The following CELSR3 variants were observed in gnomAD, a reference collection of about 807,000 sequenced individuals.
The protein encoded by CELSR3 is cadherin EGF LAG seven-pass G-type receptor 3, also known as EGF-like protein 1.
In CELSR3, 73 loss-of-function variants were observed where a neutral mutation model predicts 270.0. The ratio of observed to expected loss-of-function variants is 0.27; its 90% CI spans 0.22 to 0.33. CELSR3 has a LOEUF of 0.33. CELSR3 is among the 10% of genes least tolerant of loss of function. The probability of loss-of-function intolerance (pLI) is 1.00; values close to 1 mark genes in which losing one functional copy is unlikely to be tolerated. For synonymous variants in CELSR3, 1,780 were observed against 1,905.4 expected, an observed-to-expected ratio of 0.93 and a Z score of 1.71; for missense variants, 3,614 against 4,533.8, an observed-to-expected ratio of 0.80 and a Z score of 5.83.
At position 48,639,569 on chromosome 3, in the gene CELSR3, T is replaced by TCATCCCCTTCTGTGGCA; in HGVS notation, c.9911+104_9911+105insTGCCACAGAAGGGGATG. The TCATCCCCTTCTGTGGCA allele has an allele frequency of 6.8e-7, 1 of 1,479,064 alleles. No homozygotes were observed. Among genetic ancestry groups the TCATCCCCTTCTGTGGCA allele is most frequent in the South Asian group, 1.3e-5 (1 of 78,320 alleles). 91.6% of individuals were successfully genotyped at this position (1,479,064 alleles called of 1,614,324 possible). A position where few individuals can be genotyped will look rare whatever the true frequency, so the allele number is the denominator to read the frequency against. On this transcript the variant is annotated intron_variant, in intron 34 of 34. Coordinates refer to ENST00000164024, the MANE Select transcript of CELSR3 (RefSeq NM_001407.3). This position sits in a 1 kb window ranked among gnomAD's most constrained non-coding sequence, Gnocchi z 4.1. ...TGCTGAGCCTGGGGTAGCCCACACC[T>TCATCCCCTTCTGTGGCA]GTCTGCCAGCCCTCATCCCCTTCTG...
intron 18 of CELSR3, 30 bp downstream of exon 18, chr3:48,648,689 A>C (rs1559478546): frequency 6.3e-7 from 1 of 1,597,808 alleles, no homozygotes; most frequent in Non-Finnish European, 8.5e-7. Context: ...TGGGGGGCCA[A>C]GGCACTGAGA....
chr3:48,645,319 G>C lies in CELSR3; in HGVS notation c.7798-110C>G, dbSNP rs937465190. On this transcript the variant is annotated intron_variant, in intron 24 of 34. Transcript: ENST00000164024. This position sits in a 1 kb window ranked among gnomAD's most constrained non-coding sequence, Gnocchi z 5.4. ...CCCTAAACCACAATATCTTACCCCA[G>C]CATCCTGCTGAAAACCCTGGCCCCA... The C allele has an allele frequency of 1.3e-6, 2 of 1,541,860 alleles. No individual in the cohort carries two copies. The highest frequency in any genetic ancestry group is 1.7e-4 in the Middle Eastern group (1 of 5,886).
At position 48,639,709 on chromosome 3, in the gene CELSR3, C is replaced by T. The variant is rs114411876; in HGVS notation, c.9876G>A (p.Thr3292=). The part of the protein sequence containing the change: ...VLGPSTPRSA[T]SHSISELSPD... The stretch of plus-strand genomic sequence containing the variant: ...GCGACAGCTCCGAGATGCTGTGAGA[C>T]GTGGCAGAACGTGGCGTGGAGGGCC... The change falls in exon 34 of 35, where the codon ACG becomes ACA. Residue 3292 remains threonine (T), a synonymous_variant. Transcript: ENST00000164024. This position sits in a 1 kb window ranked among gnomAD's most constrained non-coding sequence, Gnocchi z 4.1. 94 of 1,613,552 alleles carry T rather than the reference C, an allele frequency of 5.8e-5. No individual in the cohort carries two copies. The African/African-American group carries it at 8.1e-4, about 14-fold the overall frequency.
rs2046988574 is a variant in CELSR3, at chr3:48,638,068, C to T, written c.*137G>A. The T allele has an allele frequency of 1.4e-6, 1 of 710,990 alleles. No individual in the cohort carries two copies. The allele number at this position is 710,990 out of a possible 1,614,324, so 44.0% of individuals were successfully genotyped here. A position where few individuals can be genotyped will look rare whatever the true frequency, so the allele number is the denominator to read the frequency against. On this transcript the variant is annotated 3_prime_UTR_variant, in exon 35 of 35. Transcript: ENST00000164024. ...GATGCACATGGAGCCTCAGCCCTGC[C>T]ACACCAGGTAGAGCTGGGGCACCCA... is the stretch of plus-strand genomic sequence containing the variant.
rs375510011 is a variant in CELSR3 at position 48,651,056 on chromosome 3, C to T, written c.6206G>A (p.Arg2069Gln). ...CHCKEFHYRP[R>Q]GSDSCLPCDC... The stretch of plus-strand genomic sequence containing the variant: ...ACATGGGAGGCAAGAGTCACTGCCC[C>T]GCGGTCGGTAGTGGAACTCCTGTTT... The change falls in exon 15 of 35, where the codon CGG (arginine) becomes CAG (glutamine). Residue 2069 changes from arginine to glutamine, a missense_variant. Coordinates refer to ENST00000164024, the MANE Select transcript of CELSR3 (RefSeq NM_001407.3). The surrounding 1 kb of genome is among the most constrained non-coding windows in gnomAD (Gnocchi z 7.4). The T allele has an allele frequency of 2.5e-5, 40 of 1,572,722 alleles. No individual in the cohort carries two copies. The highest frequency in any genetic ancestry group is 3.5e-5 in the South Asian group (3 of 84,660).
rs754682065 is a variant in CELSR3, at chr3:48,660,298, G to A, written c.2337C>T (p.Thr779=). Residue 779 remains threonine (T), a synonymous_variant, in exon 1 of 35, where the codon ACC becomes ACT. Coordinates refer to ENST00000164024, the MANE Select transcript of CELSR3 (RefSeq NM_001407.3). The surrounding 1 kb of genome is among the most constrained non-coding windows in gnomAD (Gnocchi z 5.5). ...AAVGTSVVSV[T]AVDRDANSAI... Reference sequence around the variant, plus strand: ...CACTGTTGGCATCACGGTCTACTGCGGTCACGCTGACCACACTGGTGCCCA... The same window carrying A: ...CACTGTTGGCATCACGGTCTACTGCAGTCACGCTGACCACACTGGTGCCCA... 3.2e-5 allele frequency: 51 copies of A among 1,613,994 alleles called. No homozygotes were observed. Among genetic ancestry groups the A allele is most frequent in the South Asian group, 3.3e-5 (3 of 91,074 alleles).
chr3:48,642,608 G>A lies in CELSR3; in HGVS notation c.8555+128C>T. On this transcript the variant is annotated intron_variant, in intron 30 of 34. Transcript: ENST00000164024. This position sits in a 1 kb window ranked among gnomAD's most constrained non-coding sequence, Gnocchi z 6.1. Reference sequence around the variant, plus strand: ...GTGGTGGGAAGCATTTAGGGCAGAGGCAGAAGCAGGGCCCCAGATGGCCAA... The same window carrying A: ...GTGGTGGGAAGCATTTAGGGCAGAGACAGAAGCAGGGCCCCAGATGGCCAA... 6.9e-7 allele frequency: 1 copy of A among 1,443,794 alleles called. No individual in the cohort carries two copies. Among genetic ancestry groups the A allele is most frequent in the Non-Finnish European group, 9.3e-7 (1 of 1,071,676 alleles). The allele number at this position is 1,443,794 out of a possible 1,614,324, so 89.4% of individuals were successfully genotyped here.
At position 48,640,582 on chromosome 3, in the gene CELSR3, G is replaced by T. The variant is rs1357579404; in HGVS notation, c.9026-23C>A. 3 of 1,529,096 alleles carry T rather than the reference G, an allele frequency of 2.0e-6. No individual in the cohort carries two copies. The highest frequency in any genetic ancestry group is 2.0e-5 in the Admixed American group (1 of 50,820). The allele number at this position is 1,529,096 out of a possible 1,614,324, so 94.7% of individuals were successfully genotyped here. ...TGCCTGTGAGAGGAAGAAAATGGGG[G>T]GCAGGGTTTGTGTGGGAGGGGGAGG... On this transcript the variant is annotated intron_variant, in intron 33 of 34. Transcript: ENST00000164024. This position sits in a 1 kb window ranked among gnomAD's most constrained non-coding sequence, Gnocchi z 7.5.
Position 48,659,932 on chromosome 3 carries a change from C to T in CELSR3, c.2703G>A (p.Leu901=), listed in dbSNP as rs752477693. 2.5e-6 allele frequency: 4 copies of T among 1,614,148 alleles called. No homozygotes were observed. The highest frequency in any genetic ancestry group is 3.4e-6 in the Non-Finnish European group (4 of 1,180,020). Residue 901 remains leucine (L), a synonymous_variant, in exon 1 of 35, where the codon CTG becomes CTA. Transcript: ENST00000164024. This position sits in a 1 kb window ranked among gnomAD's most constrained non-coding sequence, Gnocchi z 8.1. ...AGTCTGCATCAATGCGGAACTGGGG[C>T]AGGTTGTCCTCCAGGAGATAGGTGA... ...ARITYLLEDN[L]PQFRIDADSG... is the part of the protein sequence containing the mutation.
chr3:48,640,704 AC>A lies in CELSR3; in HGVS notation c.9026-146del. 3 of 819,638 alleles carry A rather than the reference AC, an allele frequency of 3.7e-6. No individual in the cohort carries two copies. The highest frequency in any genetic ancestry group is 3.8e-5 in the South Asian group (2 of 52,882). The allele number at this position is 819,638 out of a possible 1,614,324, so 50.8% of individuals were successfully genotyped here. ...AACCCCTTGGGGAGCAGCAGAGGCA[AC>A]CCTGGTGGTCCCAGAGAGGCAGCAG... is the stretch of plus-strand genomic sequence containing the variant. On this transcript the variant is annotated intron_variant, in intron 33 of 34. Transcript: ENST00000164024. The surrounding 1 kb of genome is among the most constrained non-coding windows in gnomAD (Gnocchi z 7.5).
At position 48,639,229 on chromosome 3, in the gene CELSR3, G is replaced by T. The variant is rs553845090; in HGVS notation, c.9911+445C>A. On this transcript the variant is annotated intron_variant, in intron 34 of 34. Coordinates refer to ENST00000164024, the MANE Select transcript of CELSR3 (RefSeq NM_001407.3). The surrounding 1 kb of genome is among the most constrained non-coding windows in gnomAD (Gnocchi z 4.1). Reference sequence around the variant, plus strand: ...GAATGATTTATCCTCAACAAAGCAAGCCCTTCAGCCTGGTATATCCTGGCA... The same window carrying T: ...GAATGATTTATCCTCAACAAAGCAATCCCTTCAGCCTGGTATATCCTGGCA... Among the ~76,000 whole-genome samples the T allele has an allele frequency of 1.3e-5, 2 of 152,274 alleles. No homozygotes were observed. Among genetic ancestry groups the T allele is most frequent in the East Asian group, 3.9e-4 (2 of 5,174 alleles).
Position 48,648,914 on chromosome 3 carries a change from C to T in CELSR3, c.6582G>A (p.Glu2194=). 2 of 1,612,804 alleles carry T rather than the reference C, an allele frequency of 1.2e-6. No individual in the cohort carries two copies. The highest frequency in any genetic ancestry group is 8.5e-7 in the Non-Finnish European group (1 of 1,179,994). Reference sequence around the variant, plus strand: ...TGGTATCCAGTGCCGTCTTGTTCAGCTCTAGGCCATCCAGCTGCCAAGACA... The same window carrying T: ...TGGTATCCAGTGCCGTCTTGTTCAGTTCTAGGCCATCCAGCTGCCAAGACA... The part of the protein sequence containing the change: ...RELSLLLDGL[E]LNKTALDTME... Residue 2194 remains glutamate, a synonymous_variant, in exon 18 of 35, where the codon GAG becomes GAA. Transcript: ENST00000164024.
rs759613155 is a variant in CELSR3 at position 48,642,909 on chromosome 3, GAGCTAACCCTGA to G, written c.8407-37_8407-26del. 6.2e-7 allele frequency: 1 copy of G among 1,611,988 alleles called. No homozygotes were observed. Among genetic ancestry groups the G allele is most frequent in the East Asian group, 2.2e-5 (1 of 44,848 alleles). On this transcript the variant is annotated intron_variant, in intron 29 of 34. Coordinates refer to ENST00000164024, the MANE Select transcript of CELSR3 (RefSeq NM_001407.3). The surrounding 1 kb of genome is among the most constrained non-coding windows in gnomAD (Gnocchi z 6.1). ...CCTGGGGGTGGTAGGGACAGAGTGT[GAGCTAACCCTGA>G]AGCAGCCTAAAACTCTGGCTTCTCA...
Position 48,655,818 on chromosome 3 carries a change from G to C in CELSR3, c.4659C>G (p.Phe1553Leu). 1.4e-6 allele frequency: 2 copies of C among 1,414,380 alleles called. No individual in the cohort carries two copies. The highest frequency in any genetic ancestry group is 1.9e-6 in the Non-Finnish European group (2 of 1,056,686). The allele number at this position is 1,414,380 out of a possible 1,614,324, so 87.6% of individuals were successfully genotyped here. Residue 1553 changes from phenylalanine to leucine, a missense_variant, in exon 4 of 35, where the codon TTC (phenylalanine) becomes TTG (leucine). By Grantham distance (22) the Phe-to-Leu change is conservative (BLOSUM62 0). Coordinates refer to ENST00000164024, the MANE Select transcript of CELSR3 (RefSeq NM_001407.3). This position sits in a 1 kb window ranked among gnomAD's most constrained non-coding sequence, Gnocchi z 5.8. ...GCTTCTCGTTCAGGCGCCCGTTGTAGAAGAGCAGCCCGCTCTGCTGCACTG... is the reference window on the plus strand; with the variant it reads ...GCTTCTCGTTCAGGCGCCCGTTGTACAAGAGCAGCCCGCTCTGCTGCACTG... ...FATVQQSGLLFYNGRLNEKHD... is the reference protein window; with the variant it reads ...FATVQQSGLLLYNGRLNEKHD...
Position 48,655,117 on chromosome 3 carries a change from C to T in CELSR3, c.4915G>A (p.Val1639Met), listed in dbSNP as rs146177587. The T allele has an allele frequency of 9.3e-6, 15 of 1,613,956 alleles. 1 individual carries two copies. The highest frequency in any genetic ancestry group is 6.7e-5 in the Admixed American group (4 of 59,986). Residue 1639 changes from valine (V) to methionine (M), a missense_variant, in exon 6 of 35, where the codon GTG becomes ATG. Coordinates refer to ENST00000164024, the MANE Select transcript of CELSR3 (RefSeq NM_001407.3). The surrounding 1 kb of genome is among the most constrained non-coding windows in gnomAD (Gnocchi z 5.8). ...ATCTCAGCACCAAACTGCAGAGCCACGGCCACATCACAATCATCCACGCTT... is the reference window on the plus strand; with the variant it reads ...ATCTCAGCACCAAACTGCAGAGCCATGGCCACATCACAATCATCCACGCTT... ...VLSVDDCDVA[V>M]ALQFGAEIGN...
Position 48,650,569 on chromosome 3 carries a change from G to C in CELSR3, c.6383C>G (p.Ala2128Gly). The C allele has an allele frequency of 6.2e-7, 1 of 1,603,320 alleles. No homozygotes were observed. The highest frequency in any genetic ancestry group is 2.2e-5 in the East Asian group (1 of 44,802). ...ACCAGATCTCAGGGACTTAGGGCAG[G>C]CATCATAGAGCACTAGAGAGAGAAG... ...TASGCRVLYDACPKSLRSGVW... is the reference protein window; with the variant it reads ...TASGCRVLYDGCPKSLRSGVW... Residue 2128 changes from alanine to glycine, a missense_variant, in exon 16 of 35, where the codon GCC (alanine) becomes GGC (glycine). Ala to Gly is a moderately conservative substitution (Grantham distance 60). Transcript: ENST00000164024. This position sits in a 1 kb window ranked among gnomAD's most constrained non-coding sequence, Gnocchi z 5.1.
chr3:48,640,632 G>C lies in CELSR3; in HGVS notation c.9026-73C>G. The C allele has an allele frequency of 7.0e-7, 1 of 1,434,312 alleles. No homozygotes were observed. Among genetic ancestry groups the C allele is most frequent in the Non-Finnish European group, 9.3e-7 (1 of 1,079,174 alleles). The allele number at this position is 1,434,312 out of a possible 1,614,324, so 88.8% of individuals were successfully genotyped here. A position where few individuals can be genotyped will look rare whatever the true frequency, so the allele number is the denominator to read the frequency against. On this transcript the variant is annotated intron_variant, in intron 33 of 34. Coordinates refer to ENST00000164024, the MANE Select transcript of CELSR3 (RefSeq NM_001407.3). This position sits in a 1 kb window ranked among gnomAD's most constrained non-coding sequence, Gnocchi z 7.5. ...GGCAGGCAGGAATTGCTGAGTCTAG[G>C]GGTGTGGCAGCCCTTGGGATCCTTC... is the stretch of plus-strand genomic sequence containing the variant.
In CELSR3 at chr3:48,646,669, T is replaced by C; in HGVS notation, c.7295+94A>G. On this transcript the variant is annotated intron_variant, in intron 21 of 34. Transcript: ENST00000164024. This position sits in a 1 kb window ranked among gnomAD's most constrained non-coding sequence, Gnocchi z 4.8. ...GGGGCTCCCTGGAGCTGTGCTCCTC[T>C]CTGTGTGTTGTGAACCTACGCATCT... 3.1e-6 allele frequency: 4 copies of C among 1,283,864 alleles called. No individual in the cohort carries two copies. Among genetic ancestry groups the C allele is most frequent in the Non-Finnish European group, 4.3e-6 (4 of 923,594 alleles). The allele number at this position is 1,283,864 out of a possible 1,614,324, so 79.5% of individuals were successfully genotyped here. A position where few individuals can be genotyped will look rare whatever the true frequency, so the allele number is the denominator to read the frequency against.
chr3:48,645,134 G>T lies in CELSR3; in HGVS notation c.7873C>A (p.Leu2625Met). The change falls in exon 25 of 35, where the codon CTG (leucine) becomes ATG (methionine). Residue 2625 changes from leucine (L) to methionine (M), a missense_variant. Physicochemically the swap from Leu to Met is conservative, Grantham distance 15. Transcript: ENST00000164024. This position sits in a 1 kb window ranked among gnomAD's most constrained non-coding sequence, Gnocchi z 5.4. ...TCAACCTGCATGCGGTAGAGGTGCA[G>T]CCCCTGCACGAAGAGCCACGCGAAG... Reference protein sequence around the residue: ...STFAWLFVQGLHLYRMQVEPR... With the variant: ...STFAWLFVQGMHLYRMQVEPR... 1 of 1,601,702 alleles carries T rather than the reference G, an allele frequency of 6.2e-7. No homozygotes were observed. Among genetic ancestry groups the T allele is most frequent in the Non-Finnish European group, 8.5e-7 (1 of 1,170,720 alleles).
Sources: gnomAD v4.1 joint callset for allele counts (sites outside exome capture counted in the v4.1 genomes callset) on GRCh38, gnomAD v4.1.1 for gene constraint, Gnocchi (gnomAD v3.1) non-coding constraint, MANE v1.5 for transcripts, NCBI Gene and HGNC (gene_info 2026-07-23, HGNC 2026-07-21) for gene names.